Variants in DTNA observed in about 807,000 individuals in gnomAD.
DTNA encodes the protein dystrobrevin alpha.
In DTNA, 43 loss-of-function variants were observed where a neutral mutation model predicts 100.7. That is an observed-to-expected ratio of 0.43 (90% CI 0.33 to 0.55). The LOEUF (loss-of-function observed/expected upper bound fraction) is 0.55, where lower values mean the gene tolerates loss of function less well. Among genes scored for constraint, DTNA ranks in the 20% least tolerant of loss-of-function variants. The pLI is 0.04. For missense variants in DTNA, 798 were observed against 953.9 expected (o/e 0.84, Z 2.15); for synonymous variants, 349 against 347.9 (o/e 1.00, Z -0.04).
At chr18:34,801,100 T>C (rs2095192696) in intron 4 of DTNA, among the ~76,000 whole-genome samples, 1 of 152,158 alleles carries the variant, frequency 6.6e-6, no homozygotes, top group South Asian at 2.1e-4. Context: ...CCTCTTTCCA[T>C]TTTCAATCAG....
chr18:34,702,326 G>T (rs550688192), intron 1 of DTNA, among the ~76,000 whole-genome samples: 2 of 152,068 alleles, frequency 1.3e-5, no homozygotes, highest in Admixed American at 1.3e-4. Context: ...AAATTATCAC[G>T]TGAAGCTGCG....
intron 13 of DTNA, among the ~76,000 whole-genome samples, chr18:34,841,531 G>A (rs2096268443): frequency 6.6e-6 from 1 of 152,072 alleles, no homozygotes; most frequent in South Asian, 2.1e-4. Context: ...ACAACAGCTG[G>A]AGTAAGAATA....
At chr18:34,596,213 GGTT>G (rs1390862476) in intron 1 of DTNA, among the ~76,000 whole-genome samples, 1 of 151,814 alleles carries the variant, frequency 6.6e-6, no homozygotes, top group East Asian at 1.9e-4. Flanking sequence ...TTGGTTGGTT[GGTT>G]TTTTGTTTTG....
chr18:34,653,421 G>C (rs773943293), intron 1 of DTNA, among the ~76,000 whole-genome samples: 5 of 151,522 alleles, frequency 3.3e-5, no homozygotes, highest in Non-Finnish European at 7.4e-5. Flanking sequence ...AATTCTGCTT[G>C]TCTCTATAGT....
chr18:34,609,825 T>C (rs1159306545), intron 1 of DTNA, among the ~76,000 whole-genome samples: 4 of 152,220 alleles, frequency 2.6e-5, no homozygotes, highest in Admixed American at 2.6e-4. Context: ...CACTGTCTTG[T>C]ATGTTTTAAC....
intron 1 of DTNA, among the ~76,000 whole-genome samples, chr18:34,592,080 C>T (rs1392260428): frequency 6.6e-6 from 1 of 152,136 alleles, no homozygotes; most frequent in Non-Finnish European, 1.5e-5. Context: ...GGAGCAGCTG[C>T]AGCCACACCA....
At chr18:34,860,897 G>C (rs1786593) in intron 16 of DTNA, among the ~76,000 whole-genome samples, 29,456 of 152,022 alleles carry the variant, frequency 0.19, 4,040 homozygotes, top group African/African-American at 0.4. Context: ...TATTCTACTC[G>C]TTTAATGGAT....
intron 1 of DTNA, among the ~76,000 whole-genome samples, chr18:34,622,746 G>A (rs1157670539): frequency 6.6e-6 from 1 of 152,008 alleles, no homozygotes; most frequent in Non-Finnish European, 1.5e-5. Context: ...GTTATTCCTC[G>A]TGCCCCTCTC....
intron 1 of DTNA, among the ~76,000 whole-genome samples, chr18:34,674,313 G>A (rs2077136316): frequency 6.6e-6 from 1 of 152,158 alleles, no homozygotes; most frequent in African/African-American, 2.4e-5. Context: ...GAAGAAATAA[G>A]CTATGCCCTT....
intron 1 of DTNA, among the ~76,000 whole-genome samples, chr18:34,679,122 C>T (rs1444048012): frequency 1.3e-5 from 2 of 152,116 alleles, no homozygotes; most frequent in African/African-American, 4.8e-5. Context: ...CCATGTTTTT[C>T]CATTTCTGGT....
Position 34,520,984 on chromosome 18 carries a change from C to T in DTNA, c.-2+27470C>T, listed in dbSNP as rs186606512. On this transcript the variant is annotated intron_variant, in intron 1 of 19. Transcript: ENST00000283365. ...AGTTTGGTAGTAACAATAACAACCA[C>T]AACATAAAAGCCATCACTTATTGAG... 1.1e-4 allele frequency among the ~76,000 whole-genome samples: 16 copies of T among 152,236 alleles called. No individual in the cohort carries two copies. The East Asian group carries it at 3.1e-3, about 29-fold the overall frequency.
intron 1 of DTNA, among the ~76,000 whole-genome samples, chr18:34,716,538 G>A (rs2084116228): frequency 6.6e-6 from 1 of 152,198 alleles, no homozygotes; most frequent in East Asian, 1.9e-4. Flanking sequence ...ACTCCGGCCT[G>A]GGCAACAAGA....
chr18:34,766,851 A>G (rs2148499220), intron 3 of DTNA, among the ~76,000 whole-genome samples: 1 of 152,224 alleles, frequency 6.6e-6, no homozygotes, highest in East Asian at 1.9e-4. Context: ...TTTTAACCAC[A>G]TTTGTTTACA....
intron 1 of DTNA, among the ~76,000 whole-genome samples, chr18:34,542,722 G>A (rs1443952106): frequency 6.6e-6 from 1 of 151,782 alleles, no homozygotes. Flanking sequence ...GTCACTTGGT[G>A]TTGCCAGGCT....
At chr18:34,828,297 T>A (rs572545367) in intron 10 of DTNA, among the ~76,000 whole-genome samples, 1 of 152,308 alleles carries the variant, frequency 6.6e-6, no homozygotes, top group Admixed American at 6.5e-5. Flanking sequence ...ATCAGACATA[T>A]GCAGGGTCAA....
At chr18:34,763,868 G>A (rs2093331169) in intron 2 of DTNA, among the ~76,000 whole-genome samples, 1 of 152,068 alleles carries the variant, frequency 6.6e-6, no homozygotes, top group South Asian at 2.1e-4. Flanking sequence ...CTGTGGAGTT[G>A]AACATCTTTT....
At chr18:34,521,574 G>A (rs1171460052) in intron 1 of DTNA, among the ~76,000 whole-genome samples, 4 of 152,178 alleles carry the variant, frequency 2.6e-5, no homozygotes, top group African/African-American at 9.6e-5. Context: ...TCCCTCTCTA[G>A]CTTCATCTCA....
At chr18:34,529,871 G>A (rs949625335) in intron 1 of DTNA, among the ~76,000 whole-genome samples, 4 of 152,120 alleles carry the variant, frequency 2.6e-5, no homozygotes, top group African/African-American at 7.2e-5. Context: ...AAAATGGAAT[G>A]TGAGAATATG....
chr18:34,814,111 TC>T (rs977654248), intron 6 of DTNA, among the ~76,000 whole-genome samples: 1 of 152,184 alleles, frequency 6.6e-6, no homozygotes, highest in African/African-American at 2.4e-5. Flanking sequence ...GTCTTCTAAT[TC>T]CATCTGTTAA....
Sources: allele counts gnomAD v4.1 joint callset (sites outside exome capture counted in the v4.1 genomes callset), GRCh38; gene constraint gnomAD v4.1.1; transcripts MANE v1.5; gene names NCBI Gene and HGNC (gene_info 2026-07-23, HGNC 2026-07-21).